CAPZB: variants seen among roughly 807,000 people sequenced by gnomAD.
The protein encoded by CAPZB is F-actin-capping protein subunit beta.
In CAPZB, 2 loss-of-function variants were observed where a neutral mutation model predicts 38.1. That is an observed-to-expected ratio of 0.05 (90% CI 0.02 to 0.17). CAPZB has a LOEUF of 0.17. CAPZB is among the 10% of genes least tolerant of loss of function. CAPZB has a pLI of 1.00. For synonymous variants in CAPZB, 107 were observed against 127.4 expected (o/e 0.84, Z 1.08); for missense variants, 161 against 334.2 (o/e 0.48, Z 4.04).
chr1:19,358,899 G>A (rs540066378), intron 4 of CAPZB, among the ~76,000 whole-genome samples: 94 of 152,296 alleles, frequency 6.2e-4, no homozygotes, highest in African/African-American at 2.2e-3. Flanking sequence ...TACAGGCTTG[G>A]GAGTCAGACA....
At chr1:19,457,116 G>A (rs568168375) in intron 1 of CAPZB, among the ~76,000 whole-genome samples, 5 of 152,292 alleles carry the variant, frequency 3.3e-5, no homozygotes, top group South Asian at 2.1e-4. Flanking sequence ...AAAGCACAGC[G>A]GGAAAAGCGA....
chr1:19,428,395 T>C (rs1420476923), intron 1 of CAPZB, among the ~76,000 whole-genome samples: 1 of 151,096 alleles, frequency 6.6e-6, no homozygotes, highest in Non-Finnish European at 1.5e-5. Context: ...AGAGTGAGAC[T>C]GTCCCACACC....
At chr1:19,395,366 C>T (rs2094261364) in intron 2 of CAPZB, among the ~76,000 whole-genome samples, 2 of 152,194 alleles carry the variant, frequency 1.3e-5, no homozygotes, top group South Asian at 4.1e-4. Context: ...TAAGTCCCCT[C>T]CATCTCTTTC....
intron 4 of CAPZB, among the ~76,000 whole-genome samples, chr1:19,375,207 A>G (rs929301986): frequency 1.3e-5 from 2 of 152,276 alleles, no homozygotes; most frequent in Non-Finnish European, 2.9e-5. Context: ...ACTTGTTCTC[A>G]TAATTTTTAG....
At chr1:19,470,320 T>C (rs778093492) in intron 1 of CAPZB, among the ~76,000 whole-genome samples, 3 of 152,238 alleles carry the variant, frequency 2.0e-5, no homozygotes, top group Non-Finnish European at 4.4e-5. Context: ...CGATGATTCC[T>C]GTCCCTATGT....
chr1:19,388,335 C>T (rs1454911378), intron 2 of CAPZB, among the ~76,000 whole-genome samples: 3 of 152,122 alleles, frequency 2.0e-5, no homozygotes, highest in Non-Finnish European at 4.4e-5. Context: ...ATTCTCAGTG[C>T]CTGTGGCTGT....
At chr1:19,395,097 G>A (rs141296580) in intron 2 of CAPZB, among the ~76,000 whole-genome samples, 38 of 152,286 alleles carry the variant, frequency 2.5e-4, no homozygotes, top group African/African-American at 8.2e-4. Context: ...GGCAGGTTAG[G>A]GGGATTAAAA....
chr1:19,345,915 G>A (rs1423633194), intron 6 of CAPZB, among the ~76,000 whole-genome samples: 1 of 152,184 alleles, frequency 6.6e-6, no homozygotes, highest in Admixed American at 6.5e-5. Flanking sequence ...TATAGACTCT[G>A]AGGTTATGAG....
chr1:19,484,306 G>A lies in CAPZB; in HGVS notation c.3+1130C>T, dbSNP rs1168734430. The stretch of plus-strand genomic sequence containing the variant: ...GTGTCCAGGCCATATGCTGGATCCA[G>A]GGCCTGGTGGCCCCCCAAGGCCACG... On this transcript the variant is annotated intron_variant, in intron 1 of 8. Transcript: ENST00000264202. The A allele has an allele frequency of 3.1e-6, 5 of 1,600,888 alleles. No homozygotes were observed. The Admixed American group carries it at 8.6e-5, about 27-fold the overall frequency.
At chr1:19,483,248 T>C (rs1354554209) in intron 1 of CAPZB, among the ~76,000 whole-genome samples, 1 of 152,164 alleles carries the variant, frequency 6.6e-6, no homozygotes, top group Non-Finnish European at 1.5e-5. Flanking sequence ...GAATATCCCA[T>C]TTTATGTTTT....
intron 8 of CAPZB, among the ~76,000 whole-genome samples, chr1:19,339,927 CTCT>C (rs1460131204): frequency 6.6e-6 from 1 of 152,234 alleles, no homozygotes; most frequent in Non-Finnish European, 1.5e-5. Context: ...AAGTTCACTC[CTCT>C]GTGTGTAGGT....
At chr1:19,437,524 A>C (rs1054630897) in intron 1 of CAPZB, among the ~76,000 whole-genome samples, 3 of 152,224 alleles carry the variant, frequency 2.0e-5, no homozygotes, top group African/African-American at 7.2e-5. Context: ...TTGTCAATAC[A>C]GAATGCTAAG....
chr1:19,429,253 A>C (rs1480147114), intron 1 of CAPZB, among the ~76,000 whole-genome samples: 3 of 152,094 alleles, frequency 2.0e-5, no homozygotes, highest in African/African-American at 7.2e-5. Flanking sequence ...TTGAGAACCC[A>C]GAAAATTAGA....
intron 2 of CAPZB, among the ~76,000 whole-genome samples, chr1:19,395,191 T>C (rs1570116569): frequency 6.6e-6 from 1 of 152,186 alleles, no homozygotes; most frequent in Admixed American, 6.5e-5. Context: ...ATGAGGCACA[T>C]GACTCAAGGC....
intron 2 of CAPZB, among the ~76,000 whole-genome samples, chr1:19,409,445 G>A (rs2094347883): frequency 6.6e-6 from 1 of 152,182 alleles, no homozygotes; most frequent in Non-Finnish European, 1.5e-5. Context: ...CTAACTACTA[G>A]TGAGGACCAA....
intron 4 of CAPZB, among the ~76,000 whole-genome samples, chr1:19,371,288 C>T (rs572312801): frequency 2.6e-5 from 4 of 152,314 alleles, no homozygotes; most frequent in South Asian, 2.1e-4. Context: ...CAAATGGTCC[C>T]GTATCTGTGA....
At chr1:19,483,375 C>CA (rs1158529581) in intron 1 of CAPZB, among the ~76,000 whole-genome samples, 4 of 152,220 alleles carry the variant, frequency 2.6e-5, no homozygotes, top group Admixed American at 6.5e-5. Context: ...ACTGGCTGAG[C>CA]AACACCCTGA....
At chr1:19,477,648 C>T (rs948953359) in intron 1 of CAPZB, among the ~76,000 whole-genome samples, 1 of 152,252 alleles carries the variant, frequency 6.6e-6, no homozygotes, top group African/African-American at 2.4e-5. Context: ...ATCACTGCTG[C>T]AACTGAGAAG....
intron 1 of CAPZB, among the ~76,000 whole-genome samples, chr1:19,464,006 C>G (rs1451968802): frequency 7.7e-6 from 1 of 129,824 alleles, no homozygotes; most frequent in Admixed American, 8.3e-5. Context: ...GAACCCCTAT[C>G]TCTACTAAAA....
Sources: gnomAD v4.1 joint callset for allele counts (sites outside exome capture counted in the v4.1 genomes callset) on GRCh38, gnomAD v4.1.1 for gene constraint, MANE v1.5 for transcripts, NCBI Gene and HGNC (gene_info 2026-07-23, HGNC 2026-07-21) for gene names.